The following XIRP2 variants were observed in gnomAD, a reference collection of about 807,000 sequenced individuals.
XIRP2 encodes the protein xin actin binding repeat containing 2, also known as xin actin-binding repeat-containing protein 2.
Under a neutral mutation model 277.0 loss-of-function variants are expected in XIRP2, and 236 were observed. The observed-to-expected ratio is 0.85, with a 90% CI of 0.77 to 0.95. The LOEUF (loss-of-function observed/expected upper bound fraction) is 0.95, where lower values mean the gene tolerates loss of function less well. Ranked by LOEUF, XIRP2 falls within the 40% of genes least tolerant of loss-of-function variation. XIRP2 has a pLI of 0.00. For missense variants in XIRP2, 4,640 were observed against 4,157.5 expected, an observed-to-expected ratio of 1.12 and a Z score of -3.19; for synonymous variants, 1,490 against 1,416.5, an observed-to-expected ratio of 1.05 and a Z score of -1.17.
At chr2:167,240,354 G>A (rs1474441594) in intron 6 of XIRP2, among the ~76,000 whole-genome samples, 2 of 152,146 alleles carry the variant, frequency 1.3e-5, no homozygotes, top group Non-Finnish European at 2.9e-5. Flanking sequence ...GGCGGAGGTT[G>A]CAGTGAGCCG....
At chr2:167,256,592 A>G (rs1333066915) in intron 10 of XIRP2, among the ~76,000 whole-genome samples, 1 of 151,740 alleles carries the variant, frequency 6.6e-6, no homozygotes, top group Admixed American at 6.6e-5. Context: ...TTTTTCTGGC[A>G]TGTTTTCATT....
chr2:167,003,285 A>G (rs1241322287), intron 2 of XIRP2, among the ~76,000 whole-genome samples: 1 of 151,894 alleles, frequency 6.6e-6, no homozygotes, highest in African/African-American at 2.4e-5. Context: ...CCATTACATT[A>G]GGAGATAGAA....
rs778394023 is a variant in XIRP2 at position 167,258,142 on chromosome 2, G to A, written c.*325G>A. 33 of 1,612,936 alleles carry A rather than the reference G, an allele frequency of 2.0e-5. No individual in the cohort carries two copies. The highest frequency in any genetic ancestry group is 6.7e-5 in the Admixed American group (4 of 59,812). On this transcript the variant is annotated 3_prime_UTR_variant, in exon 11 of 11. Coordinates refer to ENST00000409195, the MANE Select transcript of XIRP2 (RefSeq NM_152381.6). ...ATGATTTGAGAAAATTAGGGGAAAG[G>A]GGAAAATTAAAAGTCATTTGGCCTC...
chr2:167,040,247 C>A (rs1485417131), intron 2 of XIRP2, among the ~76,000 whole-genome samples: 1 of 151,584 alleles, frequency 6.6e-6, no homozygotes, highest in Non-Finnish European at 1.5e-5. Flanking sequence ...AAGACCAGCA[C>A]ATTTCAAACA....
At chr2:166,949,471 G>T (rs1237663726) in intron 2 of XIRP2, among the ~76,000 whole-genome samples, 1 of 152,062 alleles carries the variant, frequency 6.6e-6, no homozygotes, top group African/African-American at 2.4e-5. Context: ...GGTCCTTTTT[G>T]TTGCAGCTAC....
At chr2:167,204,354 GT>G (rs1428718514) in intron 3 of XIRP2, among the ~76,000 whole-genome samples, 1 of 152,152 alleles carries the variant, frequency 6.6e-6, no homozygotes, top group African/African-American at 2.4e-5. Flanking sequence ...TCTCTTTGTT[GT>G]TTGGCTTTTC....
intron 3 of XIRP2, among the ~76,000 whole-genome samples, chr2:167,168,833 C>G (rs1245851250): frequency 1.3e-5 from 2 of 152,156 alleles, no homozygotes; most frequent in Admixed American, 1.3e-4. Context: ...CCAGGATGAT[C>G]TCGATCTCCT....
At position 167,083,546 on chromosome 2, in the gene XIRP2, T is replaced by A. The variant is rs1454891674; in HGVS notation, c.409-52363T>A. Among the ~76,000 whole-genome samples, 10 of 152,366 alleles carry A rather than the reference T, an allele frequency of 6.6e-5. No homozygotes were observed. The East Asian group carries it at 1.9e-3, about 29-fold the overall frequency. ...AAATTACCTTGGGCAGTATGGCCAT[T>A]TTCATGATATTGATTCTTCCTACCC... On this transcript the variant is annotated intron_variant, in intron 2 of 10. Transcript: ENST00000409195.
intron 3 of XIRP2, among the ~76,000 whole-genome samples, chr2:167,178,482 TGTTACCTTTACTAAACAC>T: frequency 6.6e-6 from 1 of 152,320 alleles, no homozygotes; most frequent in Middle Eastern, 3.4e-3. Flanking sequence ...TCTTCCATTT[TGTTACCTTTACTAAACAC>T]TATTGTTTGA....
chr2:166,890,497 G>T (rs1362622164), intron 1 of XIRP2, among the ~76,000 whole-genome samples: 2 of 152,188 alleles, frequency 1.3e-5, no homozygotes, highest in Non-Finnish European at 2.9e-5. Context: ...CAGAGCATCT[G>T]AACAGACTGT....
chr2:167,230,347 C>A (rs1285077381), intron 5 of XIRP2, among the ~76,000 whole-genome samples: 1 of 151,894 alleles, frequency 6.6e-6, no homozygotes, highest in Non-Finnish European at 1.5e-5. Context: ...AACAAATAAC[C>A]CCCACCGTCA....
At chr2:167,214,261 G>GGAAGGAA (rs1694169289) in intron 4 of XIRP2, among the ~76,000 whole-genome samples, 1 of 85,278 alleles carries the variant, frequency 1.2e-5, no homozygotes, top group African/African-American at 5.6e-5. Context: ...AGGAAGGAAA[G>GGAAGGAA]AGAGAGAGAG....
chr2:167,198,247 C>T (rs1394931789), intron 3 of XIRP2, among the ~76,000 whole-genome samples: 1 of 152,108 alleles, frequency 6.6e-6, no homozygotes, highest in Non-Finnish European at 1.5e-5. Flanking sequence ...TTACGTGCTG[C>T]ATTTATAGGC....
intron 2 of XIRP2, among the ~76,000 whole-genome samples, chr2:166,910,497 C>T (rs576665996): frequency 6.6e-6 from 1 of 152,110 alleles, no homozygotes; most frequent in East Asian, 1.9e-4. Flanking sequence ...TTTGATTCTT[C>T]TCTCTTTTCT....
chr2:167,067,573 A>G (rs1331269260), intron 2 of XIRP2, among the ~76,000 whole-genome samples: 14 of 152,210 alleles, frequency 9.2e-5, no homozygotes, highest in Admixed American at 9.2e-4. Flanking sequence ...CCTTTACACC[A>G]TACTGTCAGC....
At chr2:167,239,519 G>A (rs925545488) in intron 5 of XIRP2, among the ~76,000 whole-genome samples, 4 of 152,162 alleles carry the variant, frequency 2.6e-5, no homozygotes, top group African/African-American at 7.2e-5. Context: ...TAGAGGCAAG[G>A]GCTGTTAGCC....
chr2:166,981,144 G>A (rs1479266330), intron 2 of XIRP2, among the ~76,000 whole-genome samples: 1 of 151,988 alleles, frequency 6.6e-6, no homozygotes, highest in East Asian at 1.9e-4. Flanking sequence ...TTAATTTATT[G>A]GGGCTTCCAT....
At chr2:166,942,135 T>C (rs547297636) in intron 2 of XIRP2, among the ~76,000 whole-genome samples, 1 of 152,296 alleles carries the variant, frequency 6.6e-6, no homozygotes, top group South Asian at 2.1e-4. Flanking sequence ...CACAAAACTG[T>C]CACAAGCACC....
chr2:167,199,690 G>A (rs1343133576), intron 3 of XIRP2, among the ~76,000 whole-genome samples: 1 of 152,156 alleles, frequency 6.6e-6, no homozygotes, highest in East Asian at 1.9e-4. Context: ...ATCATAGACT[G>A]AGCCTGCCTA....
Sources: gnomAD v4.1 joint callset for allele counts (sites outside exome capture counted in the v4.1 genomes callset) on GRCh38, gnomAD v4.1.1 for gene constraint, MANE v1.5 for transcripts, NCBI Gene and HGNC (gene_info 2026-07-23, HGNC 2026-07-21) for gene names.